Variants in CACNA2D4 observed in about 807,000 individuals in gnomAD.
CACNA2D4 encodes the protein calcium voltage-gated channel auxiliary subunit alpha2delta 4, also known as voltage-dependent calcium channel subunit alpha-2/delta-4.
Under a neutral mutation model 163.8 loss-of-function variants are expected in CACNA2D4, and 157 were observed. That is an observed-to-expected ratio of 0.96 (90% CI 0.84 to 1.09). CACNA2D4 has a LOEUF of 1.09. Among genes scored for constraint, CACNA2D4 ranks in the 50% least tolerant of loss-of-function variants. The probability of loss-of-function intolerance (pLI) is 0.00; values close to 1 mark genes in which losing one functional copy is unlikely to be tolerated. For synonymous variants in CACNA2D4, 598 were observed against 586.9 expected (o/e 1.02, Z -0.27); for missense variants, 1,410 against 1,479.9 (o/e 0.95, Z 0.78).
At chr12:1,881,663 C>G (rs1236446892) in intron 13 of CACNA2D4, among the ~76,000 whole-genome samples, 1 of 152,278 alleles carries the variant, frequency 6.6e-6, no homozygotes, top group Non-Finnish European at 1.5e-5. Flanking sequence ...CCACCTCTCT[C>G]TCATCAAACC....
intron 26 of CACNA2D4, chr12:1,835,526 C>G (rs989133135): frequency 6.6e-6 from 1 of 152,576 alleles, no homozygotes; most frequent in African/African-American, 2.4e-5. Flanking sequence ...CCTGAGACCA[C>G]AGAGCCTCTC....
rs1863674601 is a variant in CACNA2D4 at position 1,810,594 on chromosome 12, G to A, written c.2614-7C>T. On this transcript the variant is annotated splice_polypyrimidine_tract_variant and splice_region_variant and intron_variant, in intron 27 of 37. Coordinates refer to ENST00000382722, the MANE Select transcript of CACNA2D4 (RefSeq NM_172364.5). ...GCCCATCCACAGTGCTGCACTGGAA[G>A]GAAGAGGAGAGACTGAATGTGGACA... The A allele has an allele frequency of 6.4e-7, 1 of 1,553,022 alleles. No homozygotes were observed. The highest frequency in any genetic ancestry group is 8.7e-7 in the Non-Finnish European group (1 of 1,147,740).
In CACNA2D4 at chr12:1,874,133, G is replaced by A. The variant is rs1036811501; in HGVS notation, c.1878+471C>T. 6.6e-6 allele frequency among the ~76,000 whole-genome samples: 1 copy of A among 152,212 alleles called. No homozygotes were observed. The highest frequency in any genetic ancestry group is 1.5e-5 in the Non-Finnish European group (1 of 68,044). On this transcript the variant is annotated intron_variant, in intron 18 of 37. Transcript: ENST00000382722. The surrounding 1 kb of genome is among the most constrained non-coding windows in gnomAD (Gnocchi z 4.4). ...TGCACATGGTTGTAAAGATAGTAATGGGATTAGTGAGGGCATTGATTCCTA... is the reference window on the plus strand; with the variant it reads ...TGCACATGGTTGTAAAGATAGTAATAGGATTAGTGAGGGCATTGATTCCTA...
At chr12:1,913,275 C>G in intron 2 of CACNA2D4, 136 bp from the exon 3 acceptor site, 2 of 679,120 alleles carry the variant, frequency 2.9e-6, no homozygotes, top group Non-Finnish European at 5.4e-6. Flanking sequence ...TAGGGTGAGG[C>G]CCAGCCCTCT....
chr12:1,800,737 C>T lies in CACNA2D4; in HGVS notation c.2869-299G>A, dbSNP rs529634924. On this transcript the variant is annotated intron_variant, in intron 31 of 37. Transcript: ENST00000382722. ...TCCTGGTGCTGCACTGCTGAGGATC[C>T]CTGGTGATCAAGCGGCAGTGTCAGG... The T allele has an allele frequency of 1.9e-4, 110 of 591,838 alleles. No homozygotes were observed. In the South Asian group the frequency reaches 2.2e-3, roughly 12 times the overall value. The allele number at this position is 591,838 out of a possible 1,614,324, so 36.7% of individuals were successfully genotyped here.
chr12:1,793,588 A>T lies in CACNA2D4; in HGVS notation c.*67T>A. 1 of 1,381,052 alleles carries T rather than the reference A, an allele frequency of 7.2e-7. No individual in the cohort carries two copies. The highest frequency in any genetic ancestry group is 2.3e-5 in the East Asian group (1 of 43,770). 85.5% of individuals were successfully genotyped at this position (1,381,052 alleles called of 1,614,324 possible). A position where few individuals can be genotyped will look rare whatever the true frequency, so the allele number is the denominator to read the frequency against. On this transcript the variant is annotated 3_prime_UTR_variant, in exon 38 of 38. Transcript: ENST00000382722. ...ACTGCAGTTAGCTGCATCCCATGTC[A>T]GTGCTGACTTTTTGGGATGGCTCTG...
rs186040842 is a variant in CACNA2D4 at position 1,812,209 on chromosome 12, T to C, written c.2552-486A>G. ...TAACCTGGTGTAACCATTCCTTTCA[T>C]ACCCTCTGTCTGCTCAGGATCTTCC... is the stretch of plus-strand genomic sequence containing the variant. On this transcript the variant is annotated intron_variant, in intron 26 of 37. Coordinates refer to ENST00000382722, the MANE Select transcript of CACNA2D4 (RefSeq NM_172364.5). Among the ~76,000 whole-genome samples, 987 of 152,346 alleles carry C rather than the reference T, an allele frequency of 6.5e-3. 10 individuals are homozygous for C. Among genetic ancestry groups the C allele is most frequent in the African/African-American group, 0.022 (931 of 41,586 alleles).
intron 16 of CACNA2D4, among the ~76,000 whole-genome samples, chr12:1,877,738 G>C (rs1865911537): frequency 6.6e-6 from 1 of 152,222 alleles, no homozygotes; most frequent in Non-Finnish European, 1.5e-5. Context: ...GCCACACTGA[G>C]AGCTGTGGTC....
intron 27 of CACNA2D4, among the ~76,000 whole-genome samples, chr12:1,811,167 T>C (rs563178779): frequency 1.3e-5 from 2 of 152,152 alleles, no homozygotes; most frequent in African/African-American, 4.8e-5. Context: ...TTGCAGGAGA[T>C]TGAGGCTGAG....
At chr12:1,808,238 C>T (rs887677139) in intron 29 of CACNA2D4, among the ~76,000 whole-genome samples, 1 of 152,156 alleles carries the variant, frequency 6.6e-6, no homozygotes, top group African/African-American at 2.4e-5. Context: ...CCTCCCCGCA[C>T]GGTTGTCCCG....
chr12:1,814,132 G>C (rs1475986427), intron 26 of CACNA2D4, among the ~76,000 whole-genome samples: 1 of 152,176 alleles, frequency 6.6e-6, no homozygotes, highest in Non-Finnish European at 1.5e-5. Flanking sequence ...GGTCAAAGAG[G>C]TCTCACATTA....
chr12:1,806,552 C>A lies in CACNA2D4; in HGVS notation c.2721+3726G>T, dbSNP rs530774897. On this transcript the variant is annotated intron_variant, in intron 29 of 37. Coordinates refer to ENST00000382722, the MANE Select transcript of CACNA2D4 (RefSeq NM_172364.5). This position sits in a 1 kb window ranked among gnomAD's most constrained non-coding sequence, Gnocchi z 4.1. ...AGCTCAACAGGCTTCTCTCTCCAGG[C>A]CCCTGGGTAAGCCCTAGCAGGGACA... 6.6e-6 allele frequency among the ~76,000 whole-genome samples: 1 copy of A among 152,210 alleles called. No individual in the cohort carries two copies. Among genetic ancestry groups the A allele is most frequent in the Non-Finnish European group, 1.5e-5 (1 of 68,030 alleles).
At chr12:1,865,231 G>T (rs912854312) in intron 18 of CACNA2D4, among the ~76,000 whole-genome samples, 1 of 152,240 alleles carries the variant, frequency 6.6e-6, no homozygotes, top group Non-Finnish European at 1.5e-5. Context: ...ATCTAGGCCT[G>T]GATCGGGGCA....
chr12:1,914,570 T>C, intron 2 of CACNA2D4, among the ~76,000 whole-genome samples: 1 of 152,170 alleles, frequency 6.6e-6, no homozygotes, highest in East Asian at 1.9e-4. Context: ...CTCTCCTTTA[T>C]TCTTCACCCC....
intron 4 of CACNA2D4, 61 bp downstream of exon 4, chr12:1,909,845 C>T (rs878927899): frequency 6.8e-7 from 1 of 1,472,826 alleles, no homozygotes; most frequent in Non-Finnish European, 9.5e-7. Flanking sequence ...TGCCGCCACC[C>T]CCATATCTGG....
chr12:1,880,256 A>G (rs1047179327), intron 13 of CACNA2D4, among the ~76,000 whole-genome samples: 3 of 152,258 alleles, frequency 2.0e-5, no homozygotes, highest in African/African-American at 7.2e-5. Context: ...GGCTTTGCAC[A>G]GCACGAGCTT....
At chr12:1,846,792 G>T in intron 23 of CACNA2D4, 103 bp from the exon 24 acceptor site, 1 of 946,518 alleles carries the variant, frequency 1.1e-6, no homozygotes, top group Non-Finnish European at 1.6e-6. Flanking sequence ...TGCCTGGCCT[G>T]GCTCAGGGAA....
Position 1,896,835 on chromosome 12 carries a change from G to A in CACNA2D4, c.782-9766C>T, listed in dbSNP as rs547135244. Among the ~76,000 whole-genome samples, 5 of 152,214 alleles carry A rather than the reference G, an allele frequency of 3.3e-5. No individual in the cohort carries two copies. The East Asian group carries it at 9.7e-4, about 29-fold the overall frequency. ...AGGGAAAGAAATCTGTTTATCAAAG[G>A]TATACCTGCACTGGCATCTTTATCA... On this transcript the variant is annotated intron_variant, in intron 6 of 37. Transcript: ENST00000382722.
Position 1,820,324 on chromosome 12 carries a change from T to A in CACNA2D4, c.2552-8601A>T, listed in dbSNP as rs962547479. ...GAAACCGCTTTCCTCCTCCCTGTGGTCGGCAGCGATTCATCCACAGGCGCC... is the reference window on the plus strand; with the variant it reads ...GAAACCGCTTTCCTCCTCCCTGTGGACGGCAGCGATTCATCCACAGGCGCC... On this transcript the variant is annotated intron_variant, in intron 26 of 37. Transcript: ENST00000382722. This position sits in a 1 kb window ranked among gnomAD's most constrained non-coding sequence, Gnocchi z 6.0. 2 of 152,158 alleles carry A rather than the reference T, an allele frequency of 1.3e-5. No individual in the cohort carries two copies. The highest frequency in any genetic ancestry group is 4.8e-5 in the African/African-American group (2 of 41,404). 9.4% of individuals were successfully genotyped at this position (152,158 alleles called of 1,614,324 possible).
Sources: gnomAD v4.1 joint callset for allele counts (sites outside exome capture counted in the v4.1 genomes callset) on GRCh38, gnomAD v4.1.1 for gene constraint, Gnocchi (gnomAD v3.1) non-coding constraint, MANE v1.5 for transcripts, NCBI Gene and HGNC (gene_info 2026-07-23, HGNC 2026-07-21) for gene names.